Variants in RNF170 observed in about 807,000 individuals in gnomAD.
RNF170 encodes ring finger protein 170, also known as E3 ubiquitin-protein ligase RNF170.
A neutral mutation model predicts 32.7 loss-of-function variants in RNF170; 12 were observed. The ratio of observed to expected loss-of-function variants is 0.37; its 90% CI spans 0.24 to 0.60. RNF170 has a LOEUF of 0.60. Ranked by LOEUF, RNF170 falls within the 20% of genes least tolerant of loss-of-function variation. The pLI is 0.72. For synonymous variants in RNF170, 91 were observed against 103.6 expected, an observed-to-expected ratio of 0.88 and a Z score of 0.74; for missense variants, 212 against 311.2, an observed-to-expected ratio of 0.68 and a Z score of 2.40.
intron 2 of RNF170, among the ~76,000 whole-genome samples, chr8:42,885,670 A>C (rs1270053205): frequency 1.3e-5 from 2 of 152,130 alleles, no homozygotes; most frequent in Admixed American, 1.3e-4. Flanking sequence ...GGTGATTAGT[A>C]ATGTTGAGCA....
intron 2 of RNF170, among the ~76,000 whole-genome samples, chr8:42,885,727 T>C (rs1805762215): frequency 6.6e-6 from 1 of 152,216 alleles, no homozygotes; most frequent in Non-Finnish European, 1.5e-5. Context: ...TTTTGAAAGA[T>C]GTCTATATAG....
chr8:42,851,343 C>G (rs1306046027), downstream of RNF170, among the ~76,000 whole-genome samples: 2 of 152,038 alleles, frequency 1.3e-5, no homozygotes, highest in African/African-American at 4.8e-5. Flanking sequence ...TGGCGGATTA[C>G]CTGAGATCAG....
intron 3 of RNF170, 37 bp downstream of exon 3, chr8:42,873,894 A>T (rs1156889096): frequency 8.9e-7 from 1 of 1,129,716 alleles, no homozygotes; most frequent in East Asian, 2.3e-5. Context: ...AAAGGGAGCT[A>T]TCACATCTAC....
At chr8:42,870,578 T>C (rs1227273251) in intron 3 of RNF170, among the ~76,000 whole-genome samples, 4 of 151,404 alleles carry the variant, frequency 2.6e-5, no homozygotes, top group Non-Finnish European at 5.9e-5. Flanking sequence ...AATAGAAAAA[T>C]TAGCCAGGAG....
chr8:42,896,053 AG>A, intron 1 of RNF170: 1 of 183,740 alleles, frequency 5.4e-6, no homozygotes, highest in African/African-American at 2.4e-5. Context: ...GCCTCTAAAG[AG>A]GTGGAAGCTC....
Position 42,870,164 on chromosome 8 carries a change from C to A in RNF170, c.214-52G>T, listed in dbSNP as rs755096532. The A allele has an allele frequency of 4.0e-6, 5 of 1,241,874 alleles. No homozygotes were observed. The East Asian group carries it at 1.2e-4, about 29-fold the overall frequency. 76.9% of individuals were successfully genotyped at this position (1,241,874 alleles called of 1,614,324 possible). ...GGAACACAACACATGTGGCCCTCAACAGTATCTCATGTTAAATTATATTTG... is the reference window on the plus strand; with the variant it reads ...GGAACACAACACATGTGGCCCTCAAAAGTATCTCATGTTAAATTATATTTG... On this transcript the variant is annotated intron_variant, in intron 3 of 6. Transcript: ENST00000527424.
chr8:42,886,168 G>A (rs1404652837), intron 2 of RNF170, among the ~76,000 whole-genome samples: 2 of 151,820 alleles, frequency 1.3e-5, no homozygotes, highest in Admixed American at 6.6e-5. Flanking sequence ...AGCTTGCAGT[G>A]AGCCGAGATC....
At chr8:42,896,699 T>C, upstream of RNF170, 1 of 387,906 alleles carries the variant, frequency 2.6e-6, no homozygotes, top group Non-Finnish European at 5.2e-6. Context: ...GCGGAGCGCG[T>C]GCTCGCCTCG....
In RNF170 at chr8:42,865,448, C is replaced by T; in HGVS notation, c.364G>A (p.Gly122Arg). The change falls in exon 5 of 7, where the codon GGG (glycine) becomes AGG (arginine). Residue 122 changes from glycine (G) to arginine (R), a missense_variant. By Grantham distance (125) the Gly-to-Arg change is moderately radical. This residue lies in a region of RNF170 where 97 missense variants were observed against 178.9 expected (regional missense o/e 0.54). Transcript: ENST00000527424. The stretch of plus-strand genomic sequence containing the variant: ...CTACAGATTGGACAACTGATTGCCC[C>T]AAGCCATGAACCATATCGCCAGTAA... ...IAYWRYGSWL[G>R]AISCPICRQT... 3 of 1,613,718 alleles carry T rather than the reference C, an allele frequency of 1.9e-6. No homozygotes were observed. Among genetic ancestry groups the T allele is most frequent in the Non-Finnish European group, 2.5e-6 (3 of 1,179,816 alleles).
At position 42,873,971 on chromosome 8, in the gene RNF170, T is replaced by C; in HGVS notation, c.173A>G (p.Glu58Gly). The C allele has an allele frequency of 6.2e-7, 1 of 1,603,534 alleles. No homozygotes were observed. The highest frequency in any genetic ancestry group is 8.5e-7 in the Non-Finnish European group (1 of 1,170,532). ...CTGTTCTCGAAGTACCCTTACTAGC[T>C]CCTGGTTTTCTGGGTGAATGTTTTG... ...VHQNIHPENQ[E>G]LVRVLREQLQ... The change falls in exon 3 of 7, where the codon GAG becomes GGG. Residue 58 changes from glutamate to glycine, a missense_variant. This residue lies in a region of RNF170 where 115 missense variants were observed against 132.3 expected (regional missense o/e 0.87). Coordinates refer to ENST00000527424, the MANE Select transcript of RNF170 (RefSeq NM_030954.4).
At chr8:42,892,511 G>A (rs1806385029) in intron 1 of RNF170, among the ~76,000 whole-genome samples, 1 of 152,102 alleles carries the variant, frequency 6.6e-6, no homozygotes, top group Non-Finnish European at 1.5e-5. Flanking sequence ...ATCCACAAGT[G>A]ACTACAGTTC....
At chr8:42,884,818 C>CA (rs1359728031) in intron 2 of RNF170, among the ~76,000 whole-genome samples, 27 of 94,924 alleles carry the variant, frequency 2.8e-4, no homozygotes, top group Non-Finnish European at 1.1e-4. Context: ...TCTCCTGCCT[C>CA]AGCCTCCTGG....
At chr8:42,866,753 T>C (rs1164893627) in intron 4 of RNF170, among the ~76,000 whole-genome samples, 2 of 152,214 alleles carry the variant, frequency 1.3e-5, no homozygotes, top group Non-Finnish European at 2.9e-5. Context: ...CAGCCGAAGA[T>C]GGGCAACACA....
chr8:42,870,403 C>G (rs1351349744), intron 3 of RNF170, among the ~76,000 whole-genome samples: 2 of 152,108 alleles, frequency 1.3e-5, no homozygotes, highest in Non-Finnish European at 2.9e-5. Flanking sequence ...CTGAGTAACA[C>G]AAGGCTGAGC....
downstream of RNF170, among the ~76,000 whole-genome samples, chr8:42,851,695 G>C (rs577938759): frequency 1.5e-3 from 222 of 152,244 alleles, 3 homozygotes; most frequent in Non-Finnish European, 2.6e-3. Context: ...GGACTGCAGT[G>C]GTGCAACCCA....
intron 2 of RNF170, chr8:42,881,270 T>A (rs1805378486): frequency 6.6e-6 from 1 of 152,270 alleles, no homozygotes. Context: ...TAGTCCCAGT[T>A]ACTCAGGAGG....
At chr8:42,850,959 G>C (rs182295850), downstream of RNF170, 17 of 1,551,596 alleles carry the variant, frequency 1.1e-5, no homozygotes, top group Admixed American at 1.6e-4. Context: ...CCTCTTGATG[G>C]GTCTGCTCAC....
chr8:42,865,425 A>G lies in RNF170; in HGVS notation c.387T>C (p.Cys129=), dbSNP rs2128929768. The G allele has an allele frequency of 1.2e-6, 2 of 1,612,238 alleles. No individual in the cohort carries two copies. The highest frequency in any genetic ancestry group is 2.2e-5 in the South Asian group (2 of 91,046). ...SWLGAISCPI[C]RQTVTLLLTV... ...GCACACAAAACATTACCGTTTGTCT[A>G]CAGATTGGACAACTGATTGCCCCAA... The change falls in exon 5 of 7, where the codon TGT becomes TGC. Residue 129 remains cysteine, a synonymous_variant. Transcript: ENST00000527424.
chr8:42,886,849 C>A (rs1805866683), intron 2 of RNF170, among the ~76,000 whole-genome samples: 1 of 152,106 alleles, frequency 6.6e-6, no homozygotes, highest in Non-Finnish European at 1.5e-5. Flanking sequence ...GTAGCGAGAC[C>A]CTGTCTCTAA....
Sources: gnomAD v4.1 joint callset for allele counts (sites outside exome capture counted in the v4.1 genomes callset) on GRCh38, gnomAD v4.1.1 for gene constraint, gnomAD v4.1.1 regional missense constraint, MANE v1.5 for transcripts, NCBI Gene and HGNC (gene_info 2026-07-23, HGNC 2026-07-21) for gene names.